Variants in ANKRD27 observed in about 807,000 individuals in gnomAD.
ANKRD27 encodes the protein ankyrin repeat domain-containing protein 27.
In ANKRD27, 112 loss-of-function variants were observed where a neutral mutation model predicts 129.7. That is an observed-to-expected ratio of 0.86 (90% CI 0.74 to 1.01). The LOEUF is 1.01. ANKRD27 is among the 50% of genes least tolerant of loss of function. The pLI is 0.00. For synonymous variants in ANKRD27, 516 were observed against 511.2 expected, an observed-to-expected ratio of 1.01 and a Z score of -0.13; for missense variants, 1,258 against 1,300.5, an observed-to-expected ratio of 0.97 and a Z score of 0.50.
rs760642564 is a variant in ANKRD27, at chr19:32,642,132, G to C, written c.796C>G (p.Arg266Gly). The change falls in exon 10 of 29, where the codon CGT (arginine) becomes GGT (glycine). Residue 266 changes from arginine to glycine, a missense_variant. Transcript: ENST00000306065. ...AGCTGAGCCAGCTCTCTTTTGGCAC[G>C]AGGTATGTTAAAGCTGTAAAATAAT... ...VKPEFSFNIP[R>G]AKRELAQLNK... 1.0e-5 allele frequency: 16 copies of C among 1,605,108 alleles called. No homozygotes were observed. Among genetic ancestry groups the C allele is most frequent in the Non-Finnish European group, 1.1e-5 (13 of 1,174,648 alleles).
intron 12 of ANKRD27, among the ~76,000 whole-genome samples, chr19:32,634,175 G>A (rs941988099): frequency 6.6e-6 from 1 of 152,178 alleles, no homozygotes; most frequent in Non-Finnish European, 1.5e-5. Flanking sequence ...CTCTTCTGCT[G>A]TGAGGAGATA....
At chr19:32,600,519 C>T (rs768976955) in intron 26 of ANKRD27, among the ~76,000 whole-genome samples, 3 of 151,996 alleles carry the variant, frequency 2.0e-5, no homozygotes, top group Non-Finnish European at 4.4e-5. Flanking sequence ...CCAGCCTGGG[C>T]GACAGAGCAA....
chr19:32,603,754 G>T (rs1971687303), intron 25 of ANKRD27, among the ~76,000 whole-genome samples: 1 of 152,154 alleles, frequency 6.6e-6, no homozygotes, highest in South Asian at 2.1e-4. Flanking sequence ...GCCCAGGCTG[G>T]TCATGAGCTC....
At chr19:32,606,169 T>C (rs1234010630) in intron 23 of ANKRD27, among the ~76,000 whole-genome samples, 10 of 117,870 alleles carry the variant, frequency 8.5e-5, no homozygotes, top group South Asian at 2.6e-4. Flanking sequence ...TTTTTTTTTT[T>C]CCAGACAGAG....
At chr19:32,604,144 C>G in intron 25 of ANKRD27, 119 bp downstream of exon 25, 1 of 1,218,654 alleles carries the variant, frequency 8.2e-7, no homozygotes, top group Non-Finnish European at 1.1e-6. Flanking sequence ...CCAACTACGC[C>G]CAGCCCGGCG....
chr19:32,605,763 G>C, intron 24 of ANKRD27, 72 bp downstream of exon 24: 1 of 1,576,970 alleles, frequency 6.3e-7, no homozygotes, highest in Middle Eastern at 2.1e-4. Flanking sequence ...AGTGCGCTGC[G>C]GGGGTCGCTG....
At chr19:32,609,659 T>TG (rs1179669974) in intron 22 of ANKRD27, among the ~76,000 whole-genome samples, 2 of 102,996 alleles carry the variant, frequency 1.9e-5, no homozygotes, top group Non-Finnish European at 4.0e-5. Flanking sequence ...GATGGGGGAA[T>TG]GGGGGGGTCA....
At position 32,618,467 on chromosome 19, in the gene ANKRD27, A is replaced by G. The variant is rs1036484312; in HGVS notation, c.2007+793T>C. ...TCCCAAAAAGAAAAAAAAAAAAAAA[A>G]AAAAAGAAATACTGAACTCAGCTAT... On this transcript the variant is annotated intron_variant, in intron 20 of 28. Transcript: ENST00000306065. 5.6e-4 allele frequency among the ~76,000 whole-genome samples: 84 copies of G among 151,228 alleles called. 1 individual carries two copies. Among genetic ancestry groups the G allele is most frequent in the Admixed American group, 7.3e-4 (11 of 15,138 alleles).
In ANKRD27 at chr19:32,639,494, G is replaced by A. The variant is rs1399875414; in HGVS notation, c.984-6C>T. 2 of 1,609,154 alleles carry A rather than the reference G, an allele frequency of 1.2e-6. No homozygotes were observed. Among genetic ancestry groups the A allele is most frequent in the African/African-American group, 1.3e-5 (1 of 74,778 alleles). On this transcript the variant is annotated splice_region_variant and splice_polypyrimidine_tract_variant and intron_variant, in intron 11 of 28. Coordinates refer to ENST00000306065, the MANE Select transcript of ANKRD27 (RefSeq NM_032139.3). The stretch of plus-strand genomic sequence containing the variant: ...TGTAACTCAAATTTGCCATCCTAAT[G>A]AAAGGAAGAAAAAAGTTATGTTGTT...
chr19:32,664,806 G>A (rs1391625902), intron 1 of ANKRD27, among the ~76,000 whole-genome samples: 1 of 148,890 alleles, frequency 6.7e-6, no homozygotes, highest in Non-Finnish European at 1.5e-5. Context: ...AATTAGCCAG[G>A]CTACTCGGGA....
chr19:32,656,028 G>GAAGAAAAGAAAGAAAAGA (rs137913576), intron 2 of ANKRD27, among the ~76,000 whole-genome samples: 7 of 119,960 alleles, frequency 5.8e-5, no homozygotes, highest in South Asian at 2.9e-4. Context: ...AAAAAAAAAA[G>GAAGAAAAGAAAGAAAAGA]AAGAAAAGAA....
At chr19:32,626,231 G>T (rs766245335) in intron 16 of ANKRD27, among the ~76,000 whole-genome samples, 4 of 152,124 alleles carry the variant, frequency 2.6e-5, no homozygotes, top group African/African-American at 9.7e-5. Context: ...GCAGTGGCAC[G>T]ATCATTGCTC....
Position 32,604,283 on chromosome 19 carries a change from C to T in ANKRD27, c.2635G>A (p.Ala879Thr), listed in dbSNP as rs1295483147. The change falls in exon 25 of 29, where the codon GCT becomes ACT. Residue 879 changes from alanine (A) to threonine (T), a missense_variant. Physicochemically the swap from Ala to Thr is moderately conservative, Grantham distance 58. Coordinates refer to ENST00000306065, the MANE Select transcript of ANKRD27 (RefSeq NM_032139.3). ...CCTACCTGTTCAGCACAGTCTACAG[C>T]CGTGCGCTGCCGCTTGTTCAGCACC... ...VQVLNKRQRT[A>T]VDCAEQNSKI... 6.2e-7 allele frequency: 1 copy of T among 1,612,972 alleles called. No homozygotes were observed. Among genetic ancestry groups the T allele is most frequent in the African/African-American group, 1.3e-5 (1 of 75,066 alleles).
At chr19:32,622,137 T>C (rs1223025266) in intron 18 of ANKRD27, among the ~76,000 whole-genome samples, 1 of 152,164 alleles carries the variant, frequency 6.6e-6, no homozygotes, top group African/African-American at 2.4e-5. Flanking sequence ...CGGAGCCTCG[T>C]TTCTACCCAC....
chr19:32,630,560 G>A (rs1007243711), intron 13 of ANKRD27, among the ~76,000 whole-genome samples: 3 of 152,238 alleles, frequency 2.0e-5, no homozygotes, highest in African/African-American at 2.4e-5. Flanking sequence ...GTAGTATTGC[G>A]AGGAACTGAG....
Position 32,649,716 on chromosome 19 carries a change from G to A in ANKRD27, c.179C>T (p.Pro60Leu), listed in dbSNP as rs1248064338. 1.2e-6 allele frequency: 2 copies of A among 1,613,762 alleles called. No individual in the cohort carries two copies. Among genetic ancestry groups the A allele is most frequent in the South Asian group, 1.1e-5 (1 of 91,056 alleles). ...TCQFESYILIPVEEHFQTLNG... is the reference protein window; with the variant it reads ...TCQFESYILILVEEHFQTLNG... ...TAAGGTCTGAAAATGCTCTTCCACA[G>A]GTATCAAAATGTAGGACTCAAACTG... Residue 60 changes from proline to leucine, a missense_variant, in exon 3 of 29, where the codon CCT becomes CTT. By Grantham distance (98) the Pro-to-Leu change is moderately conservative. Transcript: ENST00000306065.
chr19:32,649,599 G>C (rs923348491), intron 3 of ANKRD27, 83 bp downstream of exon 3: 2 of 944,384 alleles, frequency 2.1e-6, no homozygotes, highest in East Asian at 2.4e-5. Flanking sequence ...AGCTGTGAAA[G>C]GCTGAGAACG....
chr19:32,657,690 C>G (rs2145317166), intron 2 of ANKRD27, among the ~76,000 whole-genome samples: 1 of 151,712 alleles, frequency 6.6e-6, no homozygotes, highest in Non-Finnish European at 1.5e-5. Flanking sequence ...AAGTCAAGTC[C>G]AGGCCAGACA....
rs548730664 is a variant in ANKRD27, at chr19:32,648,881, C to A, written c.213+801G>T. Among the ~76,000 whole-genome samples, 145 of 151,234 alleles carry A rather than the reference C, an allele frequency of 9.6e-4. 1 individual carries two copies. The South Asian group carries it at 0.01, about 11-fold the overall frequency. ...ACCAATGTGGCAAGAATGTTAACAGCTTGGGGGGAAGCACATTTAAGAGTT... is the reference window on the plus strand; with the variant it reads ...ACCAATGTGGCAAGAATGTTAACAGATTGGGGGGAAGCACATTTAAGAGTT... On this transcript the variant is annotated intron_variant, in intron 3 of 28. Coordinates refer to ENST00000306065, the MANE Select transcript of ANKRD27 (RefSeq NM_032139.3).
Sources: gnomAD v4.1 joint callset for allele counts (sites outside exome capture counted in the v4.1 genomes callset) on GRCh38, gnomAD v4.1.1 for gene constraint, MANE v1.5 for transcripts, NCBI Gene and HGNC (gene_info 2026-07-23, HGNC 2026-07-21) for gene names.